The following CFAP251 variants were observed in gnomAD, a reference collection of about 807,000 sequenced individuals.
The protein encoded by CFAP251 is cilia and flagella associated protein 251, also known as cilia- and flagella-associated protein 251.
A neutral mutation model predicts 126.7 loss-of-function variants in CFAP251; 93 were observed. The observed-to-expected ratio is 0.73, with a 90% confidence interval of 0.62 to 0.87. CFAP251 has a LOEUF of 0.87. Ranked by LOEUF, CFAP251 falls within the 40% of genes least tolerant of loss-of-function variation. The pLI, the probability that CFAP251 is intolerant of heterozygous loss-of-function variation, is 0.00. For missense variants in CFAP251, 1,287 were observed against 1,389.2 expected, an observed-to-expected ratio of 0.93 and a Z score of 1.17; for synonymous variants, 503 against 506.9, an observed-to-expected ratio of 0.99 and a Z score of 0.10.
At chr12:121,928,640 A>ATATACG (rs1555215920) in intron 3 of CFAP251, among the ~76,000 whole-genome samples, 1,628 of 16,058 alleles carry the variant, frequency 0.1, 65 homozygotes, top group South Asian at 0.18. Flanking sequence ...ATATATACGT[A>ATATACG]TATATATATA....
At chr12:121,970,626 A>G (rs1201759839) in intron 17 of CFAP251, among the ~76,000 whole-genome samples, 2 of 152,198 alleles carry the variant, frequency 1.3e-5, no homozygotes, top group African/African-American at 2.4e-5. Flanking sequence ...AATAAGTGTC[A>G]TTTCCCTTTT....
At chr12:121,985,317 T>G (rs532434664) in intron 19 of CFAP251, among the ~76,000 whole-genome samples, 3 of 152,206 alleles carry the variant, frequency 2.0e-5, no homozygotes, top group South Asian at 4.1e-4. Flanking sequence ...GAGGATCACC[T>G]GAGGTCAGGA....
intron 17 of CFAP251, chr12:121,969,281 T>C: frequency 1.0e-6 from 1 of 985,384 alleles, no homozygotes; most frequent in Non-Finnish European, 1.2e-6. Flanking sequence ...TGGTTTGAGA[T>C]TGCACTTGCA....
At chr12:121,959,951 C>CG (rs1881869315) in intron 13 of CFAP251, among the ~76,000 whole-genome samples, 1 of 151,652 alleles carries the variant, frequency 6.6e-6, no homozygotes, top group Admixed American at 6.6e-5. Context: ...TGGTGAGACA[C>CG]CCCCCATCTC....
chr12:122,001,091 C>T (rs971848400), intron 20 of CFAP251, among the ~76,000 whole-genome samples: 1 of 138,482 alleles, frequency 7.2e-6, no homozygotes, highest in Non-Finnish European at 1.5e-5. Flanking sequence ...GAGTCTCGCT[C>T]TGTTGCCCAG....
At chr12:121,987,692 G>A (rs1439558896) in intron 19 of CFAP251, among the ~76,000 whole-genome samples, 3 of 148,622 alleles carry the variant, frequency 2.0e-5, no homozygotes, top group Non-Finnish European at 4.4e-5. Flanking sequence ...TCCAGCCTGG[G>A]CAAGAAAAGC....
chr12:121,962,239 A>G (rs1044828718), intron 15 of CFAP251, 77 bp downstream of exon 15: 2 of 1,335,774 alleles, frequency 1.5e-6, no homozygotes, highest in Non-Finnish European at 2.1e-6. Context: ...GTCTCCACAT[A>G]GGGACCTGCA....
chr12:121,956,437 G>C (rs1027566733), intron 10 of CFAP251, among the ~76,000 whole-genome samples: 1 of 152,102 alleles, frequency 6.6e-6, no homozygotes. Flanking sequence ...AAAATTGCCA[G>C]GTATAAGTAT....
rs1385235867 is a variant in CFAP251, at chr12:121,961,980, A to G, written c.2310A>G (p.Ile770Met). ...TGTCCATCTGGGCTCCTCTGCAGAT[A>G]GAGTATGATCTTCTCAGGAGCTACA... ...LLSLGTDRLL[I>M]EYDLLRSYKD... is the part of the protein sequence containing the mutation. The change falls in exon 15 of 22, where the codon ATA becomes ATG. Residue 770 changes from isoleucine (I) to methionine (M), a missense_variant and splice_region_variant. By Grantham distance (10) the Ile-to-Met change is conservative (BLOSUM62 1). Transcript: ENST00000288912. 1 of 1,612,944 alleles carries G rather than the reference A, an allele frequency of 6.2e-7. No homozygotes were observed. Among genetic ancestry groups the G allele is most frequent in the African/African-American group, 1.3e-5 (1 of 75,016 alleles).
chr12:121,976,510 C>T (rs947898941), intron 19 of CFAP251, among the ~76,000 whole-genome samples: 2 of 152,062 alleles, frequency 1.3e-5, no homozygotes, highest in Non-Finnish European at 2.9e-5. Context: ...AGGGTGCAGC[C>T]GTCCCTCATG....
chr12:121,993,845 G>T (rs1224073900), intron 19 of CFAP251, among the ~76,000 whole-genome samples: 14 of 114,962 alleles, frequency 1.2e-4, no homozygotes, highest in Non-Finnish European at 3.8e-5. Context: ...GGAGGGAGGT[G>T]GGGGGGGTCA....
chr12:122,000,586 A>C (rs1883127514), intron 20 of CFAP251, among the ~76,000 whole-genome samples: 1 of 152,054 alleles, frequency 6.6e-6, no homozygotes, highest in Admixed American at 6.5e-5. Context: ...AAAGAAAAGA[A>C]AACAAATATT....
chr12:121,967,554 G>C (rs1037165341), intron 16 of CFAP251, among the ~76,000 whole-genome samples: 2 of 152,014 alleles, frequency 1.3e-5, no homozygotes, highest in East Asian at 3.9e-4. Flanking sequence ...TACAAAAAAT[G>C]AGCCGGGCGT....
chr12:121,970,095 T>G (rs986917952), intron 17 of CFAP251: 6 of 394,240 alleles, frequency 1.5e-5, no homozygotes, highest in Non-Finnish European at 2.1e-5. Flanking sequence ...GAGATAAAGA[T>G]GATAAATCCC....
intron 21 of CFAP251, among the ~76,000 whole-genome samples, chr12:122,003,176 C>T (rs1883185738): frequency 6.6e-6 from 1 of 152,274 alleles, no homozygotes; most frequent in South Asian, 2.1e-4. Context: ...TAAGCAATTT[C>T]CACCCAGAGT....
At chr12:121,966,758 G>T (rs919865005) in intron 15 of CFAP251, among the ~76,000 whole-genome samples, 197 bp from the exon 16 acceptor site, 5 of 149,636 alleles carry the variant, frequency 3.3e-5, no homozygotes, top group Admixed American at 6.7e-5. Context: ...GCTAATTTTT[G>T]TATTTTTAGT....
rs1298368610 is a variant in CFAP251, at chr12:121,923,666, G to A, written c.423G>A (p.Glu141=). 4.3e-6 allele frequency: 7 copies of A among 1,613,048 alleles called. No homozygotes were observed. The South Asian group carries it at 7.7e-5, about 18-fold the overall frequency. ...AGTCAAAGCTTTCCTTACAATTGGA[G>A]GATGCAGAAACAGATGAGCTTTTAA... The part of the protein sequence containing the change: ...GSKSKLSLQL[E]DAETDELLRD... Residue 141 remains glutamate (E), a synonymous_variant, in exon 3 of 22, where the codon GAG becomes GAA. Coordinates refer to ENST00000288912, the MANE Select transcript of CFAP251 (RefSeq NM_144668.6).
intron 2 of CFAP251, among the ~76,000 whole-genome samples, chr12:121,922,586 T>C (rs761903040): frequency 8.6e-5 from 13 of 152,020 alleles, no homozygotes; most frequent in Non-Finnish European, 1.8e-4. Context: ...GGTATGATAA[T>C]AGGAGTGTAG....
In CFAP251 at chr12:121,977,780, C is replaced by A. The variant is rs1882501510; in HGVS notation, c.3006+2095C>A. Reference sequence around the variant, plus strand: ...ACCATCCTGGCTAACACGGTGAAACCCCATCTCTATGAAAAATACAAAAAA... The same window carrying A: ...ACCATCCTGGCTAACACGGTGAAACACCATCTCTATGAAAAATACAAAAAA... On this transcript the variant is annotated intron_variant, in intron 19 of 21. Coordinates refer to ENST00000288912, the MANE Select transcript of CFAP251 (RefSeq NM_144668.6). Among the ~76,000 whole-genome samples the A allele has an allele frequency of 2.0e-5, 3 of 150,160 alleles. No individual in the cohort carries two copies. The South Asian group carries it at 6.3e-4, about 32-fold the overall frequency.
Sources: gnomAD v4.1 joint callset for allele counts (sites outside exome capture counted in the v4.1 genomes callset) on GRCh38, gnomAD v4.1.1 for gene constraint, MANE v1.5 for transcripts, NCBI Gene and HGNC (gene_info 2026-07-23, HGNC 2026-07-21) for gene names.